The following RAB3C variants were observed in gnomAD, a reference collection of about 807,000 sequenced individuals.
The protein encoded by RAB3C is ras-related protein Rab-3C.
RAB3C carries 17 observed loss-of-function variants against 26.4 expected under a neutral mutation model. The ratio of observed to expected loss-of-function variants is 0.64; its 90% CI spans 0.44 to 0.97. RAB3C has a LOEUF of 0.97. Ranked by LOEUF, RAB3C falls within the 50% of genes least tolerant of loss-of-function variation. The pLI is 0.00. For missense variants in RAB3C, 242 were observed against 281.9 expected (o/e 0.86, Z 1.01); for synonymous variants, 91 against 95.9 (o/e 0.95, Z 0.30).
intron 3 of RAB3C, among the ~76,000 whole-genome samples, chr5:58,759,782 C>T (rs1741753174): frequency 6.6e-6 from 1 of 152,092 alleles, no homozygotes; most frequent in Non-Finnish European, 1.5e-5. Flanking sequence ...AACTGAAAGC[C>T]AGGTTGACTT....
intron 3 of RAB3C, among the ~76,000 whole-genome samples, chr5:58,740,866 T>C (rs1309046552): frequency 6.6e-6 from 1 of 151,928 alleles, no homozygotes; most frequent in Non-Finnish European, 1.5e-5. Flanking sequence ...CAAATATGTG[T>C]CTACTCAAAG....
chr5:58,585,626 T>C (rs919623096), intron 1 of RAB3C, among the ~76,000 whole-genome samples: 34 of 152,218 alleles, frequency 2.2e-4, no homozygotes, highest in African/African-American at 7.5e-4. Flanking sequence ...TGTATTTTCT[T>C]AAATCAAAGA....
chr5:58,759,946 A>G (rs1741761586), intron 3 of RAB3C, among the ~76,000 whole-genome samples: 1 of 152,228 alleles, frequency 6.6e-6, no homozygotes, highest in Non-Finnish European at 1.5e-5. Context: ...GTTACTAAAA[A>G]TGAAACTAAA....
At chr5:58,760,025 C>T (rs1176534838) in intron 3 of RAB3C, among the ~76,000 whole-genome samples, 2 of 152,202 alleles carry the variant, frequency 1.3e-5, no homozygotes, top group South Asian at 2.1e-4. Flanking sequence ...TTTCCTTCCT[C>T]TCCTGTCTCC....
chr5:58,712,319 A>G (rs1366369860), intron 2 of RAB3C, among the ~76,000 whole-genome samples: 2 of 152,044 alleles, frequency 1.3e-5, no homozygotes, highest in African/African-American at 4.8e-5. Flanking sequence ...TACCCCACAC[A>G]ATGCTAGGTA....
chr5:58,771,705 A>G (rs1742033017), intron 3 of RAB3C, among the ~76,000 whole-genome samples: 1 of 152,166 alleles, frequency 6.6e-6, no homozygotes, highest in South Asian at 2.1e-4. Context: ...GAATGGTTAT[A>G]GTTACACAAG....
chr5:58,629,027 GAAAAAAAAAAAAAAA>G (rs70973148), intron 2 of RAB3C, among the ~76,000 whole-genome samples: 1 of 56,058 alleles, frequency 1.8e-5, no homozygotes, highest in African/African-American at 7.2e-5. Flanking sequence ...CTCACTTCTG[GAAAAAAAAAAAAAAA>G]AAAAAAAAAA....
At position 58,693,334 on chromosome 5, in the gene RAB3C, G is replaced by GTATATATATATATATATA. The variant is rs1478527340; in HGVS notation, c.253-32667_253-32666insATATATATATATATATAT. On this transcript the variant is annotated intron_variant, in intron 2 of 4. Transcript: ENST00000282878. Reference sequence around the variant, plus strand: ...TAAAATTAAGAAATTATATATATATGTGTATATATATATATATATATATAT... The same window carrying GTATATATATATATATATA: ...TAAAATTAAGAAATTATATATATATGTATATATATATATATATATGTATATATATATATATATATATAT... Among the ~76,000 whole-genome samples the GTATATATATATATATATA allele has an allele frequency of 9.8e-4, 82 of 83,806 alleles. 3 individuals are homozygous for GTATATATATATATATATA. The highest frequency in any genetic ancestry group is 3.4e-3 in the African/African-American group (74 of 21,486). 55.0% of individuals were successfully genotyped at this position (83,806 alleles called of 152,430 possible). A position where few individuals can be genotyped will look rare whatever the true frequency, so the allele number is the denominator to read the frequency against.
rs1746325682 is a variant in RAB3C, at chr5:58,597,161, T to G, written c.24+13929T>G. ...ATAATATATACTACATAATATATATTATATAATAATATATACTACATAATA... is the reference window on the plus strand; with the variant it reads ...ATAATATATACTACATAATATATATGATATAATAATATATACTACATAATA... On this transcript the variant is annotated intron_variant, in intron 1 of 4. Transcript: ENST00000282878. Among the ~76,000 whole-genome samples, 2 of 75,296 alleles carry G rather than the reference T, an allele frequency of 2.7e-5. 1 individual carries two copies. Among genetic ancestry groups the G allele is most frequent in the Non-Finnish European group, 5.0e-5 (2 of 40,280 alleles). The allele number at this position is 75,296 out of a possible 152,430, so 49.4% of individuals were successfully genotyped here.
chr5:58,629,743 G>T (rs181641460), intron 2 of RAB3C, among the ~76,000 whole-genome samples: 2 of 152,326 alleles, frequency 1.3e-5, no homozygotes, highest in Admixed American at 1.3e-4. Flanking sequence ...TTATTGGCTG[G>T]TGGTGCATAT....
intron 2 of RAB3C, among the ~76,000 whole-genome samples, chr5:58,672,098 GA>G (rs1220138112): frequency 1.3e-5 from 2 of 152,186 alleles, no homozygotes; most frequent in African/African-American, 4.8e-5. Flanking sequence ...GAGCTTTCAA[GA>G]GGGGTTACTA....
intron 3 of RAB3C, among the ~76,000 whole-genome samples, chr5:58,736,152 C>T (rs183070388): frequency 1.1e-3 from 162 of 152,334 alleles, no homozygotes; most frequent in African/African-American, 3.4e-3. Context: ...TTTCCTGCAG[C>T]TCCTGCAGCA....
intron 2 of RAB3C, among the ~76,000 whole-genome samples, chr5:58,648,990 G>A (rs142334056): frequency 5.5e-4 from 83 of 152,254 alleles, no homozygotes; most frequent in African/African-American, 1.9e-3. Context: ...AATCACCGAG[G>A]TTATAAACCA....
At position 58,846,160 on chromosome 5, in the gene RAB3C, A is replaced by G. The variant is rs141317364; in HGVS notation, c.497-5004A>G. Reference sequence around the variant, plus strand: ...AATAATATTCCATTGTTTATGTATAACACATTTTGTTTATCCATTCATAGG... The same window carrying G: ...AATAATATTCCATTGTTTATGTATAGCACATTTTGTTTATCCATTCATAGG... On this transcript the variant is annotated intron_variant, in intron 4 of 4. Transcript: ENST00000282878. Among the ~76,000 whole-genome samples the G allele has an allele frequency of 5.2e-4, 79 of 152,246 alleles. No individual in the cohort carries two copies. In the East Asian group the frequency reaches 0.011, roughly 21 times the overall value.
chr5:58,678,078 G>A (rs569412225), intron 2 of RAB3C, among the ~76,000 whole-genome samples: 131 of 151,714 alleles, frequency 8.6e-4, no homozygotes, highest in Admixed American at 6.6e-4. Context: ...AACAGCCATG[G>A]AAGCTCATGA....
At chr5:58,812,041 A>G (rs187185256) in intron 3 of RAB3C, among the ~76,000 whole-genome samples, 32 of 152,330 alleles carry the variant, frequency 2.1e-4, no homozygotes, top group African/African-American at 7.7e-4. Flanking sequence ...TTCTGAGCCC[A>G]ACATCATCAA....
At chr5:58,698,861 G>C in intron 2 of RAB3C, among the ~76,000 whole-genome samples, 1 of 152,202 alleles carries the variant, frequency 6.6e-6, no homozygotes, top group East Asian at 1.9e-4. Context: ...TCCTTGTGAT[G>C]GGTTCGAGCA....
intron 2 of RAB3C, chr5:58,644,363 T>C (rs1465130787): frequency 6.6e-6 from 1 of 152,188 alleles, no homozygotes; most frequent in Non-Finnish European, 1.5e-5. Context: ...ATAATGGTAA[T>C]GATACCAACT....
intron 2 of RAB3C, among the ~76,000 whole-genome samples, chr5:58,692,634 C>T (rs1002245361): frequency 6.6e-6 from 1 of 152,000 alleles, no homozygotes; most frequent in African/African-American, 2.4e-5. Context: ...ATCCACCACC[C>T]CCACCCCCAG....
Sources: allele counts gnomAD v4.1 joint callset (sites outside exome capture counted in the v4.1 genomes callset), GRCh38; gene constraint gnomAD v4.1.1; transcripts MANE v1.5; gene names NCBI Gene and HGNC (gene_info 2026-07-23, HGNC 2026-07-21).